PRKG1: variants seen among roughly 807,000 people sequenced by gnomAD.
The protein encoded by PRKG1 is protein kinase cGMP-dependent 1.
Under a neutral mutation model 88.1 loss-of-function variants are expected in PRKG1, and 35 were observed. The ratio of observed to expected loss-of-function variants is 0.40; its 90% confidence interval spans 0.30 to 0.53. PRKG1 has a LOEUF of 0.53. Ranked by LOEUF, PRKG1 falls within the 20% of genes least tolerant of loss-of-function variation. PRKG1 has a pLI of 0.59. For synonymous variants in PRKG1, 303 were observed against 292.5 expected (o/e 1.04, Z -0.37); for missense variants, 540 against 839.8 (o/e 0.64, Z 4.41).
chr10:51,462,606 G>T (rs965688885), intron 2 of PRKG1, among the ~76,000 whole-genome samples: 2 of 152,140 alleles, frequency 1.3e-5, no homozygotes, highest in African/African-American at 4.8e-5. Context: ...TAGGACTTAT[G>T]ACTCAGCTCA....
chr10:52,266,390 AC>A (rs1841570809), intron 10 of PRKG1, among the ~76,000 whole-genome samples: 2 of 151,616 alleles, frequency 1.3e-5, no homozygotes, highest in African/African-American at 4.8e-5. Context: ...CCCCCGACAG[AC>A]CCCAGTGTGT....
chr10:51,579,448 C>T (rs1258119338), intron 3 of PRKG1, among the ~76,000 whole-genome samples: 1 of 152,028 alleles, frequency 6.6e-6, no homozygotes, highest in African/African-American at 2.4e-5. Context: ...TCCTTTGTCA[C>T]TGAGTTTTGT....
intron 2 of PRKG1, among the ~76,000 whole-genome samples, chr10:51,186,260 T>C (rs1837484374): frequency 6.6e-6 from 1 of 151,898 alleles, no homozygotes; most frequent in Non-Finnish European, 1.5e-5. Context: ...CAATTCTTTT[T>C]TTAATTTTAT....
Position 51,709,955 on chromosome 10 carries a change from G to A in PRKG1, c.593-94630G>A, listed in dbSNP as rs111293890. 2.3e-3 allele frequency among the ~76,000 whole-genome samples: 351 copies of A among 152,242 alleles called. 3 individuals are homozygous for A. In the Middle Eastern group the frequency reaches 0.031, roughly 13 times the overall value. On this transcript the variant is annotated intron_variant, in intron 3 of 17. Transcript: ENST00000373980. Reference sequence around the variant, plus strand: ...CAATGCTTTAGGATACTAAAGCTAGGATACTCATTATTCAACTAAATGTTG... The same window carrying A: ...CAATGCTTTAGGATACTAAAGCTAGAATACTCATTATTCAACTAAATGTTG...
In PRKG1 at chr10:51,313,413, T is replaced by C. The variant is rs1241951873; in HGVS notation, c.479-154310T>C. On this transcript the variant is annotated intron_variant, in intron 2 of 17. Transcript: ENST00000373980. ...TCTTATTTCACTTTGTTTTTATGGA[T>C]GAATTTTACTGCAAAGGGTAAAGTC... Among the ~76,000 whole-genome samples, 3 of 152,174 alleles carry C rather than the reference T, an allele frequency of 2.0e-5. No individual in the cohort carries two copies. The East Asian group carries it at 5.8e-4, about 29-fold the overall frequency.
chr10:51,126,182 A>G (rs1845403281), intron 1 of PRKG1, among the ~76,000 whole-genome samples: 2 of 121,256 alleles, frequency 1.6e-5, no homozygotes, highest in Admixed American at 1.8e-4. Context: ...TTATATATTT[A>G]TATATAATTA....
chr10:51,755,761 T>C (rs1342180546), intron 3 of PRKG1, among the ~76,000 whole-genome samples: 1 of 152,230 alleles, frequency 6.6e-6, no homozygotes, highest in Non-Finnish European at 1.5e-5. Flanking sequence ...TTTTCACATA[T>C]TACCTTTCCT....
At chr10:52,226,083 A>G (rs1840383096) in intron 9 of PRKG1, among the ~76,000 whole-genome samples, 1 of 145,780 alleles carries the variant, frequency 6.9e-6, no homozygotes, top group Non-Finnish European at 1.5e-5. Flanking sequence ...GCCAGCATCT[A>G]TAACAGTGCC....
chr10:51,242,711 A>C (rs1839186103), intron 2 of PRKG1, among the ~76,000 whole-genome samples: 1 of 152,140 alleles, frequency 6.6e-6, no homozygotes, highest in African/African-American at 2.4e-5. Context: ...GAGGAGCAGG[A>C]AGATTGTAAT....
At chr10:51,456,608 C>A (rs1206217247) in intron 2 of PRKG1, among the ~76,000 whole-genome samples, 1 of 151,990 alleles carries the variant, frequency 6.6e-6, no homozygotes, top group African/African-American at 2.4e-5. Context: ...ACCTAATAAA[C>A]TAAAAAGCTT....
At chr10:51,566,616 C>T (rs77019319) in intron 3 of PRKG1, among the ~76,000 whole-genome samples, 7 of 151,712 alleles carry the variant, frequency 4.6e-5, no homozygotes, top group East Asian at 1.9e-4. Flanking sequence ...AAGGTTTCTC[C>T]GAGAAGTTGT....
chr10:52,163,309 G>C (rs539983162), intron 9 of PRKG1, among the ~76,000 whole-genome samples: 1 of 147,520 alleles, frequency 6.8e-6, no homozygotes, highest in Admixed American at 6.8e-5. Context: ...TTTACATATA[G>C]TATATATGTA....
At chr10:51,307,356 T>G (rs984899466) in intron 2 of PRKG1, among the ~76,000 whole-genome samples, 6 of 152,120 alleles carry the variant, frequency 3.9e-5, no homozygotes, top group African/African-American at 1.2e-4. Context: ...ACTGTGGAGG[T>G]TAAGTAACTT....
intron 1 of PRKG1, among the ~76,000 whole-genome samples, chr10:51,127,134 C>A (rs1564610894): frequency 6.6e-6 from 1 of 152,068 alleles, no homozygotes; most frequent in Non-Finnish European, 1.5e-5. Context: ...AACTAAAGCG[C>A]TTCTACACGG....
intron 10 of PRKG1, among the ~76,000 whole-genome samples, chr10:52,261,815 G>A (rs1401717569): frequency 6.6e-6 from 1 of 152,004 alleles, no homozygotes; most frequent in Non-Finnish European, 1.5e-5. Flanking sequence ...TTTTGTTATT[G>A]TTGTTGTTAA....
chr10:51,670,711 G>A (rs1840542274), intron 3 of PRKG1, among the ~76,000 whole-genome samples: 2 of 147,776 alleles, frequency 1.4e-5, no homozygotes, highest in African/African-American at 2.5e-5. Flanking sequence ...ACTCCAGCCT[G>A]GGCGACAGAG....
chr10:51,851,415 A>C (rs1447183937), intron 4 of PRKG1, among the ~76,000 whole-genome samples: 1 of 152,114 alleles, frequency 6.6e-6, no homozygotes, highest in Non-Finnish European at 1.5e-5. Flanking sequence ...TTAAATGCAC[A>C]GGACAACCTC....
At chr10:51,339,022 A>C (rs896124608) in intron 2 of PRKG1, among the ~76,000 whole-genome samples, 1 of 152,194 alleles carries the variant, frequency 6.6e-6, no homozygotes, top group Admixed American at 6.5e-5. Flanking sequence ...GTCACATGTA[A>C]GTATTCATTA....
intron 5 of PRKG1, among the ~76,000 whole-genome samples, chr10:52,014,697 T>A (rs1844990309): frequency 6.6e-6 from 1 of 152,080 alleles, no homozygotes; most frequent in Non-Finnish European, 1.5e-5. Flanking sequence ...GCCTGTAAAA[T>A]AAAAAACAAG....
Sources: gnomAD v4.1 joint callset for allele counts (sites outside exome capture counted in the v4.1 genomes callset) on GRCh38, gnomAD v4.1.1 for gene constraint, MANE v1.5 for transcripts, NCBI Gene and HGNC (gene_info 2026-07-23, HGNC 2026-07-21) for gene names.